The following CCDC178 variants were observed in gnomAD, a reference collection of about 807,000 sequenced individuals.
CCDC178 encodes the protein coiled-coil domain containing 178, also known as coiled-coil domain-containing protein 178.
CCDC178 carries 126 observed loss-of-function variants against 117.4 expected under a neutral mutation model. That is an observed-to-expected ratio of 1.07 (90% CI 0.93 to 1.24). CCDC178 has a LOEUF of 1.24. Among genes scored for constraint, CCDC178 ranks in the 50% most tolerant of loss-of-function variants. CCDC178 has a pLI of 0.00. For synonymous variants in CCDC178, 283 were observed against 313.4 expected (o/e 0.90, Z 1.02); for missense variants, 1,030 against 986.9 (o/e 1.04, Z -0.59).
At chr18:33,089,412 A>C (rs538318923) in intron 21 of CCDC178, among the ~76,000 whole-genome samples, 1 of 152,232 alleles carries the variant, frequency 6.6e-6, no homozygotes, top group African/African-American at 2.4e-5. Context: ...TGATAACAGT[A>C]ATAGCAAATT....
At chr18:33,023,516 A>C (rs2144836207) in intron 21 of CCDC178, among the ~76,000 whole-genome samples, 1 of 152,278 alleles carries the variant, frequency 6.6e-6, no homozygotes, top group East Asian at 1.9e-4. Flanking sequence ...AAGTACATTG[A>C]ACTGAATGAA....
At chr18:33,198,696 C>T (rs913430713) in intron 20 of CCDC178, among the ~76,000 whole-genome samples, 6 of 152,038 alleles carry the variant, frequency 3.9e-5, no homozygotes, top group East Asian at 1.9e-4. Context: ...AATATTTTGT[C>T]GATGCCTTTA....
chr18:33,176,187 C>G (rs970075436), intron 20 of CCDC178, among the ~76,000 whole-genome samples: 2 of 152,108 alleles, frequency 1.3e-5, no homozygotes, highest in African/African-American at 4.8e-5. Flanking sequence ...TTGCTAAAGA[C>G]TTCTTTACAC....
chr18:33,336,723 T>C (rs1166153843), intron 9 of CCDC178, among the ~76,000 whole-genome samples: 1 of 152,122 alleles, frequency 6.6e-6, no homozygotes, highest in African/African-American at 2.4e-5. Context: ...TATATTAATT[T>C]GAACTAAACA....
rs781455794 is a variant in CCDC178, at chr18:33,370,124, G to C, written c.274C>G (p.Pro92Ala). ...ATCATTTTGTTGACACAAGGTGCTGGAATATTTACTACGGCACAGCTGTGA... is the reference window on the plus strand; with the variant it reads ...ATCATTTTGTTGACACAAGGTGCTGCAATATTTACTACGGCACAGCTGTGA... ...RRHSCAVVNI[P>A]APCVNKMISH... Residue 92 changes from proline (P) to alanine (A), a missense_variant, in exon 6 of 23, where the codon CCA becomes GCA. By Grantham distance (27) the Pro-to-Ala change is conservative. Transcript: ENST00000383096. 1 of 1,605,924 alleles carries C rather than the reference G, an allele frequency of 6.2e-7. No homozygotes were observed. The highest frequency in any genetic ancestry group is 2.3e-5 in the East Asian group (1 of 44,396).
chr18:33,134,420 C>A (rs1336801155), intron 20 of CCDC178, among the ~76,000 whole-genome samples: 1 of 151,870 alleles, frequency 6.6e-6, no homozygotes, highest in Non-Finnish European at 1.5e-5. Flanking sequence ...GCTTGCATCC[C>A]AAATTATCTC....
intron 19 of CCDC178, among the ~76,000 whole-genome samples, chr18:33,215,138 A>G (rs2059150063): frequency 6.6e-6 from 1 of 152,052 alleles, no homozygotes; most frequent in Non-Finnish European, 1.5e-5. Flanking sequence ...AAATTTGAAT[A>G]AATTGCACGA....
At chr18:33,318,454 G>A (rs2062451163) in intron 11 of CCDC178, among the ~76,000 whole-genome samples, 1 of 152,152 alleles carries the variant, frequency 6.6e-6, no homozygotes, top group Non-Finnish European at 1.5e-5. Flanking sequence ...AAAAGGAAAT[G>A]ATTTAAATAG....
chr18:33,260,306 T>G (rs1311345013), intron 14 of CCDC178, among the ~76,000 whole-genome samples: 3 of 152,162 alleles, frequency 2.0e-5, no homozygotes, highest in Non-Finnish European at 4.4e-5. Context: ...ATGACTATGT[T>G]ATATCTTACC....
In CCDC178 at chr18:33,085,922, T is replaced by C. The variant is rs186556551; in HGVS notation, c.2388+6839A>G. Among the ~76,000 whole-genome samples, 231 of 152,202 alleles carry C rather than the reference T, an allele frequency of 1.5e-3. 1 individual carries two copies. Among genetic ancestry groups the C allele is most frequent in the Middle Eastern group, 6.8e-3 (2 of 294 alleles). On this transcript the variant is annotated intron_variant, in intron 21 of 22. Coordinates refer to ENST00000383096, the MANE Select transcript of CCDC178 (RefSeq NM_001105528.4). The stretch of plus-strand genomic sequence containing the variant: ...GATTATAAGATGTAGCTCTGTAGAT[T>C]TGTGAAAAGATTAAAAATGAGTTTT...
intron 9 of CCDC178, among the ~76,000 whole-genome samples, chr18:33,333,851 T>C (rs1040367220): frequency 2.0e-5 from 3 of 152,310 alleles, no homozygotes; most frequent in Admixed American, 2.0e-4. Flanking sequence ...CTATAAAATA[T>C]ATTACTTTCT....
chr18:33,365,863 A>T (rs749316667), intron 6 of CCDC178, among the ~76,000 whole-genome samples: 2 of 152,088 alleles, frequency 1.3e-5, no homozygotes, highest in East Asian at 1.9e-4. Flanking sequence ...TATTTGTATG[A>T]GAAGATATTC....
At chr18:33,265,849 A>G (rs1032202403) in intron 14 of CCDC178, among the ~76,000 whole-genome samples, 10 of 152,036 alleles carry the variant, frequency 6.6e-5, no homozygotes, top group Middle Eastern at 3.2e-3. Flanking sequence ...AGTCACTGTG[A>G]GTTCATGCCA....
intron 21 of CCDC178, among the ~76,000 whole-genome samples, chr18:33,085,102 T>C (rs888506365): frequency 4.6e-5 from 7 of 152,178 alleles, no homozygotes; most frequent in Non-Finnish European, 1.0e-4. Context: ...CACTGTTTAA[T>C]ACCTATTATA....
chr18:33,322,739 T>C (rs2062529719), intron 11 of CCDC178, among the ~76,000 whole-genome samples: 6 of 151,622 alleles, frequency 4.0e-5, no homozygotes. Flanking sequence ...AATATTTAAG[T>C]ACATGTTGAA....
At chr18:33,331,719 AT>A (rs770243272) in intron 10 of CCDC178, among the ~76,000 whole-genome samples, 1 of 152,168 alleles carries the variant, frequency 6.6e-6, no homozygotes, top group Non-Finnish European at 1.5e-5. Context: ...CAGTACTTGC[AT>A]TCTTGTCCAC....
intron 15 of CCDC178, among the ~76,000 whole-genome samples, chr18:33,242,220 G>C (rs1483004228): frequency 1.3e-5 from 2 of 151,716 alleles, no homozygotes; most frequent in African/African-American, 4.8e-5. Flanking sequence ...ACCTGCAGAA[G>C]AATGAAACTA....
At chr18:33,031,934 T>G (rs909342636) in intron 21 of CCDC178, among the ~76,000 whole-genome samples, 10 of 152,136 alleles carry the variant, frequency 6.6e-5, no homozygotes, top group African/African-American at 2.4e-4. Flanking sequence ...GAACTACTAC[T>G]ACATAGACCA....
intron 21 of CCDC178, among the ~76,000 whole-genome samples, chr18:33,055,477 C>G (rs1039225569): frequency 6.6e-6 from 1 of 151,928 alleles, no homozygotes; most frequent in Non-Finnish European, 1.5e-5. Flanking sequence ...GCTGGGACAG[C>G]AGGTGCACGC....
Sources: gnomAD v4.1 joint callset for allele counts (sites outside exome capture counted in the v4.1 genomes callset) on GRCh38, gnomAD v4.1.1 for gene constraint, MANE v1.5 for transcripts, NCBI Gene and HGNC (gene_info 2026-07-23, HGNC 2026-07-21) for gene names.